CCND1: variants seen among roughly 807,000 people sequenced by gnomAD.
CCND1 encodes G1/S-specific cyclin-D1.
CCND1 carries 9 observed loss-of-function variants against 26.1 expected under a neutral mutation model. The observed-to-expected ratio is 0.35, with a 90% CI of 0.21 to 0.60. CCND1 has a LOEUF of 0.60. Among genes scored for constraint, CCND1 ranks in the 20% least tolerant of loss-of-function variants. The probability of loss-of-function intolerance (pLI) is 0.79; values close to 1 mark genes in which losing one functional copy is unlikely to be tolerated. For missense variants in CCND1, 335 were observed against 392.9 expected (o/e 0.85, Z 1.25); for synonymous variants, 194 against 166.1 (o/e 1.17, Z -1.29).
At chr11:69,642,444 G>A (rs933327685) in intron 1 of CCND1, among the ~76,000 whole-genome samples, 2 of 152,318 alleles carry the variant, frequency 1.3e-5, no homozygotes, top group South Asian at 2.1e-4. Context: ...GGGGGGCCCC[G>A]GAGTTTGAAT....
At position 69,653,488 on chromosome 11, in the gene CCND1, T is replaced by C; in HGVS notation, c.*2206T>C. On this transcript the variant is annotated 3_prime_UTR_variant, in exon 5 of 5. Transcript: ENST00000227507. Reference sequence around the variant, plus strand: ...CTGCTCTATTCCAAAAAGGTTGCTGTTTCACAATACCTCATGCTTCACTTA... The same window carrying C: ...CTGCTCTATTCCAAAAAGGTTGCTGCTTCACAATACCTCATGCTTCACTTA... 1.7e-6 allele frequency: 1 copy of C among 572,960 alleles called. No homozygotes were observed. The allele number at this position is 572,960 out of a possible 1,614,324, so 35.5% of individuals were successfully genotyped here.
chr11:69,646,311 T>TTAG (rs1198621058), intron 3 of CCND1, among the ~76,000 whole-genome samples: 2 of 152,220 alleles, frequency 1.3e-5, no homozygotes, highest in East Asian at 1.9e-4. Flanking sequence ...TAAGGATTTC[T>TTAG]TTTTCTAAGT....
intron 1 of CCND1, among the ~76,000 whole-genome samples, chr11:69,642,554 TA>T (rs1335829409): frequency 3.3e-5 from 5 of 152,294 alleles, no homozygotes; most frequent in East Asian, 1.9e-4. Context: ...TGCACTTAGT[TA>T]TTTTTTTAAT....
intron 4 of CCND1, among the ~76,000 whole-genome samples, chr11:69,650,698 C>A (rs1855843106): frequency 6.6e-6 from 1 of 152,228 alleles, no homozygotes; most frequent in Non-Finnish European, 1.5e-5. Context: ...AGGGCTGCCA[C>A]ATGGAGAGGT....
rs1306960346 is a variant in CCND1, at chr11:69,651,181, C to G, written c.787C>G (p.Gln263Glu). The part of the protein sequence containing the change: ...ALLESSLRQA[Q>E]QNMDPKAAEE... ...GCTGGAGTCAAGCCTGCGCCAGGCC[C>G]AGCAGAACATGGACCCCAAGGCCGC... Residue 263 changes from glutamine (Q) to glutamate (E), a missense_variant, in exon 5 of 5, where the codon CAG becomes GAG. Gln to Glu is a conservative substitution (Grantham distance 29). Coordinates refer to ENST00000227507, the MANE Select transcript of CCND1 (RefSeq NM_053056.3). 1 of 1,611,570 alleles carries G rather than the reference C, an allele frequency of 6.2e-7. No homozygotes were observed.
rs982989701 is a variant in CCND1, at chr11:69,651,692, G to T, written c.*410G>T. 4.2e-6 allele frequency: 1 copy of T among 238,292 alleles called. No homozygotes were observed. 14.8% of individuals were successfully genotyped at this position (238,292 alleles called of 1,614,324 possible). Reference sequence around the variant, plus strand: ...GAGGATTAGGTTCCATCCTTTACGTGTTTAAAAAAAAGCATAAAAACATTT... The same window carrying T: ...GAGGATTAGGTTCCATCCTTTACGTTTTTAAAAAAAAGCATAAAAACATTT... On this transcript the variant is annotated 3_prime_UTR_variant, in exon 5 of 5. Transcript: ENST00000227507.
In CCND1 at chr11:69,643,859, C is replaced by T. The variant is rs374420164; in HGVS notation, c.442C>T (p.Leu148Phe). The T allele has an allele frequency of 1.9e-6, 3 of 1,612,038 alleles. No homozygotes were observed. The highest frequency in any genetic ancestry group is 2.7e-5 in the African/African-American group (2 of 74,938). ...LQMELLLVNKLKWNLAAMTPH... is the reference protein window; with the variant it reads ...LQMELLLVNKFKWNLAAMTPH... ...AATGGAGCTGCTCCTGGTGAACAAGCTCAAGTGGAACCTGGCCGCAATGAC... is the reference window on the plus strand; with the variant it reads ...AATGGAGCTGCTCCTGGTGAACAAGTTCAAGTGGAACCTGGCCGCAATGAC... Residue 148 changes from leucine to phenylalanine, a missense_variant, in exon 3 of 5, where the codon CTC becomes TTC. Coordinates refer to ENST00000227507, the MANE Select transcript of CCND1 (RefSeq NM_053056.3).
chr11:69,645,107 C>T (rs1237105105), intron 3 of CCND1, among the ~76,000 whole-genome samples: 7 of 152,162 alleles, frequency 4.6e-5, no homozygotes, highest in Non-Finnish European at 8.8e-5. Flanking sequence ...CCCTCCCCCA[C>T]GTTTCCAAGC....
At chr11:69,642,144 A>C (rs1590912761) in intron 1 of CCND1, among the ~76,000 whole-genome samples, 1 of 145,330 alleles carries the variant, frequency 6.9e-6, no homozygotes. Flanking sequence ...CCGCTAGGGA[A>C]GGGGGGGCCT....
rs1261290754 is a variant in CCND1, at chr11:69,643,922, C to T, written c.505C>T (p.Pro169Ser). ...DFIEHFLSKM[P>S]EAEENKQIIR... is the part of the protein sequence containing the mutation. ...CATTGAACACTTCCTCTCCAAAATG[C>T]CAGAGGCGGAGGAGAACAAACAGAT... Residue 169 changes from proline to serine, a missense_variant, in exon 3 of 5, where the codon CCA (proline) becomes TCA (serine). By Grantham distance (74) the Pro-to-Ser change is moderately conservative. Coordinates refer to ENST00000227507, the MANE Select transcript of CCND1 (RefSeq NM_053056.3). 1 of 1,613,680 alleles carries T rather than the reference C, an allele frequency of 6.2e-7. No homozygotes were observed. The highest frequency in any genetic ancestry group is 8.5e-7 in the Non-Finnish European group (1 of 1,180,012).
In CCND1 at chr11:69,653,984, T is replaced by C. The variant is rs1477994440; in HGVS notation, c.*2702T>C. 6.8e-6 allele frequency: 4 copies of C among 590,416 alleles called. No individual in the cohort carries two copies. The highest frequency in any genetic ancestry group is 1.2e-5 in the Non-Finnish European group (4 of 331,796). 36.6% of individuals were successfully genotyped at this position (590,416 alleles called of 1,614,324 possible). A position where few individuals can be genotyped will look rare whatever the true frequency, so the allele number is the denominator to read the frequency against. On this transcript the variant is annotated 3_prime_UTR_variant, in exon 5 of 5. Coordinates refer to ENST00000227507, the MANE Select transcript of CCND1 (RefSeq NM_053056.3). ...GACTCCAAATCTCAATGAAGCCAGC[T>C]CACAGTGCTGTGTGCCCCGGTCACC...
Position 69,652,583 on chromosome 11 carries a change from A to G in CCND1, c.*1301A>G. The G allele has an allele frequency of 4.3e-6, 1 of 233,320 alleles. No homozygotes were observed. Among genetic ancestry groups the G allele is most frequent in the African/African-American group, 2.2e-5 (1 of 45,470 alleles). The allele number at this position is 233,320 out of a possible 1,614,324, so 14.5% of individuals were successfully genotyped here. A position where few individuals can be genotyped will look rare whatever the true frequency, so the allele number is the denominator to read the frequency against. ...ATCCTTTGGTGCCAACTGGTGTTTGAAAGTAGGGACCTCAGAGGTTTACCT... is the reference window on the plus strand; with the variant it reads ...ATCCTTTGGTGCCAACTGGTGTTTGGAAGTAGGGACCTCAGAGGTTTACCT... On this transcript the variant is annotated 3_prime_UTR_variant, in exon 5 of 5. Transcript: ENST00000227507.
At chr11:69,645,978 G>A (rs564446756) in intron 3 of CCND1, among the ~76,000 whole-genome samples, 1 of 152,322 alleles carries the variant, frequency 6.6e-6, no homozygotes, top group South Asian at 2.1e-4. Context: ...TTTACAACCA[G>A]GCAGCGGATA....
rs559847341 is a variant in CCND1, at chr11:69,651,826, T to C, written c.*544T>C. On this transcript the variant is annotated 3_prime_UTR_variant, in exon 5 of 5. Coordinates refer to ENST00000227507, the MANE Select transcript of CCND1 (RefSeq NM_053056.3). The stretch of plus-strand genomic sequence containing the variant: ...ATAAAGCACAGCTGTAGTGGGGTTC[T>C]AGGCATCTCTGTACTTTGCTTGCTC... The C allele has an allele frequency of 4.3e-6, 1 of 233,350 alleles. No homozygotes were observed. The highest frequency in any genetic ancestry group is 8.5e-6 in the Non-Finnish European group (1 of 118,074). 14.5% of individuals were successfully genotyped at this position (233,350 alleles called of 1,614,324 possible).
Position 69,653,326 on chromosome 11 carries a change from G to A in CCND1, c.*2044G>A. The stretch of plus-strand genomic sequence containing the variant: ...TCTTTCACATTGTTTGCTGCTATTG[G>A]AGGATCAGTTTTTTGTTTTACAATG... On this transcript the variant is annotated 3_prime_UTR_variant, in exon 5 of 5. Transcript: ENST00000227507. The A allele has an allele frequency of 1.4e-6, 1 of 702,756 alleles. No individual in the cohort carries two copies. The highest frequency in any genetic ancestry group is 2.6e-6 in the Non-Finnish European group (1 of 384,960). The allele number at this position is 702,756 out of a possible 1,614,324, so 43.5% of individuals were successfully genotyped here. A position where few individuals can be genotyped will look rare whatever the true frequency, so the allele number is the denominator to read the frequency against.
intron 4 of CCND1, among the ~76,000 whole-genome samples, chr11:69,650,045 A>T (rs2120115982): frequency 6.6e-6 from 1 of 152,268 alleles, no homozygotes; most frequent in South Asian, 2.1e-4. Context: ...TGGTCCACCT[A>T]AAAGTCGTTC....
chr11:69,644,111 G>A, intron 3 of CCND1, 120 bp downstream of exon 3: 1 of 893,856 alleles, frequency 1.1e-6, no homozygotes, highest in South Asian at 1.4e-5. Context: ...ACCCCCTCCT[G>A]CGCTGGAGAG....
intron 3 of CCND1, chr11:69,644,336 C>G (rs3918297): frequency 0.021 from 6,701 of 318,120 alleles, 102 homozygotes; most frequent in Non-Finnish European, 0.03. Flanking sequence ...GGGCCGCCTC[C>G]TTTCTCCACC....
rs551698744 is a variant in CCND1, at chr11:69,654,379, G to A, written c.*3097G>A. 58 of 701,678 alleles carry A rather than the reference G, an allele frequency of 8.3e-5. No homozygotes were observed. In the East Asian group the frequency reaches 1.3e-3, roughly 16 times the overall value. 43.5% of individuals were successfully genotyped at this position (701,678 alleles called of 1,614,324 possible). The stretch of plus-strand genomic sequence containing the variant: ...GGGTCTGTGCATTTCTGGTTGCACC[G>A]CGGCGCTTCCCAGCACCAACATGTA... On this transcript the variant is annotated 3_prime_UTR_variant, in exon 5 of 5. Coordinates refer to ENST00000227507, the MANE Select transcript of CCND1 (RefSeq NM_053056.3). This position sits in a 1 kb window ranked among gnomAD's most constrained non-coding sequence, Gnocchi z 6.3.
Sources: gnomAD v4.1 joint callset for allele counts (sites outside exome capture counted in the v4.1 genomes callset) on GRCh38, gnomAD v4.1.1 for gene constraint, Gnocchi (gnomAD v3.1) non-coding constraint, MANE v1.5 for transcripts, NCBI Gene and HGNC (gene_info 2026-07-23, HGNC 2026-07-21) for gene names.